The following UBL7 variants were observed in gnomAD, a reference collection of about 807,000 sequenced individuals.
UBL7 encodes the protein ubiquitin-like protein 7.
UBL7 carries 21 observed loss-of-function variants against 41.7 expected under a neutral mutation model. That is an observed-to-expected ratio of 0.50 (90% CI 0.36 to 0.73). UBL7 has a LOEUF of 0.73. Among genes scored for constraint, UBL7 ranks in the 30% least tolerant of loss-of-function variants. The pLI, the probability that UBL7 is intolerant of heterozygous loss-of-function variation, is 0.00. For missense variants in UBL7, 403 were observed against 478.4 expected (o/e 0.84, Z 1.47); for synonymous variants, 157 against 186.9 (o/e 0.84, Z 1.31).
At position 74,446,019 on chromosome 15, in the gene UBL7, G is replaced by T; in HGVS notation, c.*71C>A. On this transcript the variant is annotated 3_prime_UTR_variant, in exon 11 of 11. Coordinates refer to ENST00000395081, the MANE Select transcript of UBL7 (RefSeq NM_032907.5). This position sits in a 1 kb window ranked among gnomAD's most constrained non-coding sequence, Gnocchi z 4.1. ...TATATTGGGGAAGGGAGAGATGGAG[G>T]CACCTTCATGAGTGCCTCCCAAGGG... 1 of 1,567,644 alleles carries T rather than the reference G, an allele frequency of 6.4e-7. No individual in the cohort carries two copies.
chr15:74,449,774 C>G, intron 7 of UBL7, 99 bp from the exon 8 acceptor site: 1 of 1,565,270 alleles, frequency 6.4e-7, no homozygotes, highest in Non-Finnish European at 8.7e-7. Flanking sequence ...ATATTTTCAT[C>G]TCTCCCCTCG....
chr15:74,452,276 G>A lies in UBL7; in HGVS notation c.387+20C>T. 1 of 1,550,452 alleles carries A rather than the reference G, an allele frequency of 6.4e-7. No homozygotes were observed. On this transcript the variant is annotated intron_variant, in intron 4 of 10. Transcript: ENST00000395081. ...CACCCTCTCCTACAGTCCTGGCTGG[G>A]GGCCGCAGCACACACTCACCGCCTC...
At chr15:74,449,876 C>A in intron 7 of UBL7, 60 bp downstream of exon 7, 1 of 1,568,596 alleles carries the variant, frequency 6.4e-7, no homozygotes, top group Non-Finnish European at 8.6e-7. Flanking sequence ...CTGAGTAAAG[C>A]AAATTCCTGG....
At chr15:74,447,365 T>C (rs2061193410) in intron 10 of UBL7, among the ~76,000 whole-genome samples, 1 of 152,200 alleles carries the variant, frequency 6.6e-6, no homozygotes, top group Non-Finnish European at 1.5e-5. Context: ...TGCTGGCCCC[T>C]CAGGTATTCC....
At chr15:74,458,632 T>A in intron 2 of UBL7, 52 bp downstream of exon 2, 1 of 1,491,788 alleles carries the variant, frequency 6.7e-7, no homozygotes, top group African/African-American at 1.4e-5. Flanking sequence ...AGAAGTATCC[T>A]CCCCCAAAAG....
intron 3 of UBL7, among the ~76,000 whole-genome samples, chr15:74,455,515 T>C (rs1396365693): frequency 2.1e-4 from 32 of 152,214 alleles, no homozygotes. Context: ...GGAAGATTTG[T>C]TAACAAGGGA....
intron 1 of UBL7, chr15:74,459,178 G>C (rs766911481): frequency 3.5e-6 from 1 of 289,154 alleles, no homozygotes; most frequent in African/African-American, 2.1e-5. Flanking sequence ...TCTCCCTTCT[G>C]TATGCCCCTT....
chr15:74,453,318 C>T lies in UBL7; in HGVS notation c.305-940G>A, dbSNP rs866131611. ...AATAAGAACCCCTGCCATCAAGGAA[C>T]TCTTAGGGCAGGAGGAGAAATGAGA... On this transcript the variant is annotated intron_variant, in intron 3 of 10. Coordinates refer to ENST00000395081, the MANE Select transcript of UBL7 (RefSeq NM_032907.5). 3.9e-5 allele frequency among the ~76,000 whole-genome samples: 6 copies of T among 152,252 alleles called. No homozygotes were observed. In the East Asian group the frequency reaches 7.7e-4, roughly 20 times the overall value.
chr15:74,450,892 G>C, intron 5 of UBL7, 33 bp from the exon 6 acceptor site: 1 of 1,611,400 alleles, frequency 6.2e-7, no homozygotes, highest in East Asian at 2.2e-5. Context: ...TCAAAGAAAG[G>C]AAATCAGCCA....
intron 3 of UBL7, among the ~76,000 whole-genome samples, chr15:74,454,459 C>T (rs373205182): frequency 6.6e-6 from 1 of 152,004 alleles, no homozygotes; most frequent in South Asian, 2.1e-4. Flanking sequence ...AATACAATGG[C>T]GTGATCTCGG....
At chr15:74,452,259 C>T (rs2061255171) in intron 4 of UBL7, 37 bp downstream of exon 4, 1 of 1,544,106 alleles carries the variant, frequency 6.5e-7, no homozygotes, top group African/African-American at 1.4e-5. Flanking sequence ...CACACCCTCT[C>T]CTACAGTCCT....
chr15:74,456,478 C>CTCAAGAACACACAGA, intron 3 of UBL7, 74 bp downstream of exon 3: 1 of 1,582,568 alleles, frequency 6.3e-7, no homozygotes, highest in East Asian at 2.3e-5. Context: ...AGGCTTGTGC[C>CTCAAGAACACACAGA]TCAAGAACAC....
At chr15:74,459,141 A>C (rs933441616) in intron 1 of UBL7, 1 of 434,342 alleles carries the variant, frequency 2.3e-6, no homozygotes, top group African/African-American at 2.0e-5. Flanking sequence ...ATCTAATAGG[A>C]ATGTTGTGAG....
chr15:74,459,437 T>A (rs933390510), intron 1 of UBL7, among the ~76,000 whole-genome samples: 5 of 150,984 alleles, frequency 3.3e-5, no homozygotes, highest in African/African-American at 1.2e-4. Flanking sequence ...GCCTCCCAGG[T>A]AGCAGGGACT....
At chr15:74,459,572 C>T (rs2141330430) in intron 1 of UBL7, among the ~76,000 whole-genome samples, 1 of 151,810 alleles carries the variant, frequency 6.6e-6, no homozygotes. Context: ...CTGCCTCGGC[C>T]TCCCAAAGTG....
intron 1 of UBL7, among the ~76,000 whole-genome samples, chr15:74,459,932 C>CAAAAAAA (rs55846825): frequency 1.1e-4 from 2 of 18,246 alleles, no homozygotes; most frequent in African/African-American, 1.9e-4. Flanking sequence ...GACTCTGTCG[C>CAAAAAAA]AAAAAAAAAA....
Position 74,446,123 on chromosome 15 carries a change from G to A in UBL7, c.1110C>T (p.Ala370=), listed in dbSNP as rs754654909. 1.9e-6 allele frequency: 3 copies of A among 1,614,122 alleles called. No individual in the cohort carries two copies. Among genetic ancestry groups the A allele is most frequent in the Non-Finnish European group, 2.5e-6 (3 of 1,180,028 alleles). Residue 370 remains alanine, a synonymous_variant, in exon 11 of 11, where the codon GCC becomes GCT. Transcript: ENST00000395081. This position sits in a 1 kb window ranked among gnomAD's most constrained non-coding sequence, Gnocchi z 4.1. The stretch of plus-strand genomic sequence containing the variant: ...CTCCTCCAGCAAAGATGAGCTCCAG[G>A]GCTGCTTGGATGTCCCCACCGGTGG... ...LQATGGDIQA[A]LELIFAGGAP is the part of the protein sequence containing the mutation.
At chr15:74,454,506 C>G (rs1015637753) in intron 3 of UBL7, among the ~76,000 whole-genome samples, 2 of 151,994 alleles carry the variant, frequency 1.3e-5, no homozygotes, top group African/African-American at 4.8e-5. Context: ...TCAACCGATT[C>G]TCCTGCGTCA....
Position 74,461,117 on chromosome 15 carries a change from G to A in UBL7, c.-110C>T. 2.0e-6 allele frequency: 2 copies of A among 997,886 alleles called. No individual in the cohort carries two copies. Among genetic ancestry groups the A allele is most frequent in the Non-Finnish European group, 2.4e-6 (2 of 836,194 alleles). 61.8% of individuals were successfully genotyped at this position (997,886 alleles called of 1,614,324 possible). ...GCCCCAGCGCCCTCACCCGTCCCGC[G>A]GAAGGAACCCGGCCGCACTGCCGCC... On this transcript the variant is annotated 5_prime_UTR_variant, in exon 1 of 11. Transcript: ENST00000395081.
Sources: allele counts gnomAD v4.1 joint callset (sites outside exome capture counted in the v4.1 genomes callset), GRCh38; gene constraint gnomAD v4.1.1; non-coding constraint Gnocchi (gnomAD v3.1); transcripts MANE v1.5; gene names NCBI Gene and HGNC (gene_info 2026-07-23, HGNC 2026-07-21).